Variants in CCDC6 observed in about 807,000 individuals in gnomAD.
CCDC6 encodes the protein coiled-coil domain containing 6.
In CCDC6, 20 loss-of-function variants were observed where a neutral mutation model predicts 56.6. That is an observed-to-expected ratio of 0.35 (90% confidence interval 0.25 to 0.51). The LOEUF (loss-of-function observed/expected upper bound fraction) is 0.51. Among genes scored for constraint, CCDC6 ranks in the 20% least tolerant of loss-of-function variants. The pLI is 0.95. For synonymous variants in CCDC6, 241 were observed against 234.4 expected (o/e 1.03, Z -0.26); for missense variants, 367 against 601.1 (o/e 0.61, Z 4.07).
chr10:59,807,745 G>T lies in CCDC6; in HGVS notation c.848-667C>A, dbSNP rs10994025. On this transcript the variant is annotated intron_variant, in intron 5 of 8. Coordinates refer to ENST00000263102, the MANE Select transcript of CCDC6 (RefSeq NM_005436.5). ...AGCTCTTCTCTACATTGCCAGAGCT[G>T]GGAAAGGAGGGAGGCCCAGATTCTG... 7.9e-3 allele frequency among the ~76,000 whole-genome samples: 1,206 copies of T among 152,222 alleles called. 31 individuals carry two copies. In the East Asian group the frequency reaches 0.09, roughly 11 times the overall value.
At chr10:59,886,766 T>G (rs112686360) in intron 1 of CCDC6, among the ~76,000 whole-genome samples, 2 of 152,100 alleles carry the variant, frequency 1.3e-5, no homozygotes, top group Non-Finnish European at 2.9e-5. Context: ...TTGTAACATA[T>G]AGAGTTCTAA....
At chr10:59,844,556 C>A (rs1252920004) in intron 2 of CCDC6, among the ~76,000 whole-genome samples, 1 of 150,754 alleles carries the variant, frequency 6.6e-6, no homozygotes, top group African/African-American at 2.4e-5. Flanking sequence ...CCAAGACCGG[C>A]CTGGCCAACA....
At chr10:59,893,204 G>C (rs915406319) in intron 1 of CCDC6, among the ~76,000 whole-genome samples, 2 of 152,094 alleles carry the variant, frequency 1.3e-5, no homozygotes, top group Admixed American at 1.3e-4. Flanking sequence ...TTTGCGGGGG[G>C]AGGGATACTG....
At chr10:59,850,939 TA>T (rs1244644568) in intron 2 of CCDC6, among the ~76,000 whole-genome samples, 3 of 152,016 alleles carry the variant, frequency 2.0e-5, no homozygotes, top group African/African-American at 7.2e-5. Context: ...CATTCTTTTT[TA>T]GTATCTTATT....
At chr10:59,890,977 T>C (rs1369511165) in intron 1 of CCDC6, among the ~76,000 whole-genome samples, 1 of 152,046 alleles carries the variant, frequency 6.6e-6, no homozygotes, top group Non-Finnish European at 1.5e-5. Context: ...AGTGAGAACA[T>C]GTGGTGTTTG....
At chr10:59,807,881 G>T (rs1219449574) in intron 5 of CCDC6, among the ~76,000 whole-genome samples, 1 of 152,158 alleles carries the variant, frequency 6.6e-6, no homozygotes, top group Non-Finnish European at 1.5e-5. Flanking sequence ...GCACAGTGGT[G>T]GCGGCACACC....
chr10:59,883,762 G>C (rs891612006), intron 1 of CCDC6, among the ~76,000 whole-genome samples: 2 of 152,176 alleles, frequency 1.3e-5, no homozygotes, highest in Admixed American at 1.3e-4. Context: ...CTATATTTGA[G>C]AACAGAGGGC....
chr10:59,829,499 A>G (rs2070817371), intron 3 of CCDC6, among the ~76,000 whole-genome samples: 1 of 152,258 alleles, frequency 6.6e-6, no homozygotes. Flanking sequence ...CTTCATAATA[A>G]CTAAAAGATG....
chr10:59,860,463 C>T (rs975933104), intron 1 of CCDC6, among the ~76,000 whole-genome samples: 1 of 152,080 alleles, frequency 6.6e-6, no homozygotes, highest in East Asian at 1.9e-4. Flanking sequence ...ATCTAAACCA[C>T]CAATGGTAAT....
chr10:59,885,310 G>A (rs750311577), intron 1 of CCDC6, among the ~76,000 whole-genome samples: 3 of 152,020 alleles, frequency 2.0e-5, no homozygotes, highest in Non-Finnish European at 4.4e-5. Flanking sequence ...AAACACCAAG[G>A]CTGTTGGCAA....
chr10:59,820,575 C>T (rs1380504145), intron 3 of CCDC6, among the ~76,000 whole-genome samples: 2 of 151,994 alleles, frequency 1.3e-5, no homozygotes, highest in Admixed American at 6.5e-5. Context: ...AGTGAGATCC[C>T]GTCTCTACAA....
intron 2 of CCDC6, among the ~76,000 whole-genome samples, chr10:59,838,900 G>A (rs1237367945): frequency 1.3e-5 from 2 of 152,124 alleles, no homozygotes; most frequent in African/African-American, 4.8e-5. Flanking sequence ...CTTTCCCACA[G>A]GCCCTCAGCA....
At chr10:59,903,023 A>T (rs2071515752) in intron 1 of CCDC6, among the ~76,000 whole-genome samples, 1 of 152,232 alleles carries the variant, frequency 6.6e-6, no homozygotes, top group Non-Finnish European at 1.5e-5. Flanking sequence ...GGAGTTGGGG[A>T]ACATGGAAGA....
chr10:59,830,713 C>T (rs1282709287), intron 3 of CCDC6, among the ~76,000 whole-genome samples: 1 of 152,206 alleles, frequency 6.6e-6, no homozygotes, highest in African/African-American at 2.4e-5. Flanking sequence ...GGTTCAGCTA[C>T]TAAAGTCTGC....
intron 1 of CCDC6, among the ~76,000 whole-genome samples, chr10:59,856,993 C>T (rs1046751133): frequency 6.6e-6 from 1 of 152,140 alleles, no homozygotes; most frequent in Non-Finnish European, 1.5e-5. Context: ...TTTTCCTGTT[C>T]CATATTCAGG....
At chr10:59,906,090 G>A (rs971528364) in intron 1 of CCDC6, 32 bp downstream of exon 1, 10 of 1,531,610 alleles carry the variant, frequency 6.5e-6, no homozygotes, top group African/African-American at 5.6e-5. Context: ...GGCGGAGGTC[G>A]GCGCTGCGGC....
Position 59,792,884 on chromosome 10 carries a change from G to A in CCDC6, c.*33C>T. On this transcript the variant is annotated 3_prime_UTR_variant, in exon 9 of 9. Coordinates refer to ENST00000263102, the MANE Select transcript of CCDC6 (RefSeq NM_005436.5). ...TTGAGTAGACGGCTCCATTGGATGA[G>A]TCCCAACTTGAAATTCAGACTAAGC... 6.2e-7 allele frequency: 1 copy of A among 1,605,966 alleles called. No homozygotes were observed. The highest frequency in any genetic ancestry group is 8.5e-7 in the Non-Finnish European group (1 of 1,173,182).
chr10:59,870,801 C>T lies in CCDC6; in HGVS notation c.304-18099G>A, dbSNP rs2071221845. On this transcript the variant is annotated intron_variant, in intron 1 of 8. Transcript: ENST00000263102. Reference sequence around the variant, plus strand: ...GGCAGGTCCCACCACAATGGCAAGGCTAACATCCCGCAAGATGGTACAGCT... The same window carrying T: ...GGCAGGTCCCACCACAATGGCAAGGTTAACATCCCGCAAGATGGTACAGCT... Among the ~76,000 whole-genome samples, 4 of 152,352 alleles carry T rather than the reference C, an allele frequency of 2.6e-5. No individual in the cohort carries two copies. In the South Asian group the frequency reaches 8.3e-4, roughly 32 times the overall value.
At chr10:59,863,219 G>A (rs1367450833) in intron 1 of CCDC6, among the ~76,000 whole-genome samples, 1 of 152,196 alleles carries the variant, frequency 6.6e-6, no homozygotes, top group East Asian at 1.9e-4. Flanking sequence ...TTCACAGGTA[G>A]ATGCAATGGT....
Sources: allele counts gnomAD v4.1 joint callset (sites outside exome capture counted in the v4.1 genomes callset), GRCh38; gene constraint gnomAD v4.1.1; transcripts MANE v1.5; gene names NCBI Gene and HGNC (gene_info 2026-07-23, HGNC 2026-07-21).